The following HTR3A variants were observed in gnomAD, a reference collection of about 807,000 sequenced individuals.
The protein encoded by HTR3A is 5-hydroxytryptamine (serotonin) receptor 3A, ionotropic.
A neutral mutation model predicts 54.8 loss-of-function variants in HTR3A; 45 were observed. The observed-to-expected ratio is 0.82, with a 90% CI of 0.65 to 1.05. The LOEUF (loss-of-function observed/expected upper bound fraction) is 1.05, where lower values mean the gene tolerates loss of function less well. Among genes scored for constraint, HTR3A ranks in the 50% least tolerant of loss-of-function variants. The pLI, the probability that HTR3A is intolerant of heterozygous loss-of-function variation, is 0.00. For missense variants in HTR3A, 657 were observed against 614.0 expected (o/e 1.07, Z -0.74); for synonymous variants, 297 against 256.0 (o/e 1.16, Z -1.53).
intron 8 of HTR3A, among the ~76,000 whole-genome samples, chr11:113,988,942 G>A (rs1027527801): frequency 5.3e-5 from 8 of 152,200 alleles, no homozygotes; most frequent in African/African-American, 1.7e-4. Context: ...TAATGATCTG[G>A]AAGAGGGGTG....
Position 113,981,235 on chromosome 11 carries a change from TGAG to T in HTR3A, c.300_302del (p.Glu100del). On this transcript the variant is annotated inframe_deletion, in exon 4 of 9. Transcript: ENST00000504030. The stretch of plus-strand genomic sequence containing the variant: ...CTGATGAGTTTCTCCAGTGGAACCC[TGAG>T]GACTTTGACAACATCACCAAGTTGT... The T allele has an allele frequency of 6.2e-7, 1 of 1,613,794 alleles. No individual in the cohort carries two copies. Among genetic ancestry groups the T allele is most frequent in the Middle Eastern group, 1.7e-4 (1 of 6,054 alleles).
Position 113,979,228 on chromosome 11 carries a change from C to A in HTR3A, c.220-5C>A. ...TACTTGTTCAAGCTCCCTTTCCTTT[C>A]CCAGGATGAGAAGAATCAGGTGCTG... On this transcript the variant is annotated splice_region_variant and splice_polypyrimidine_tract_variant and intron_variant, in intron 2 of 8. Coordinates refer to ENST00000504030, the MANE Select transcript of HTR3A (RefSeq NM_000869.6). The A allele has an allele frequency of 6.2e-7, 1 of 1,612,966 alleles. No individual in the cohort carries two copies. Among genetic ancestry groups the A allele is most frequent in the Non-Finnish European group, 8.5e-7 (1 of 1,179,324 alleles).
chr11:113,984,067 G>A (rs775823223), intron 5 of HTR3A, among the ~76,000 whole-genome samples: 30 of 151,958 alleles, frequency 2.0e-4, no homozygotes, highest in Non-Finnish European at 3.5e-4. Flanking sequence ...ATCACATGTT[G>A]TTTCCTCTCC....
At chr11:113,981,826 C>T (rs1305743568) in intron 4 of HTR3A, among the ~76,000 whole-genome samples, 5 of 151,894 alleles carry the variant, frequency 3.3e-5, no homozygotes, top group East Asian at 1.9e-4. Context: ...GGCGTGGTGG[C>T]GAGCACCTGT....
In HTR3A at chr11:113,986,821, A is replaced by T. The variant is rs778108749; in HGVS notation, c.917-4A>T. The T allele has an allele frequency of 9.9e-6, 16 of 1,613,816 alleles. No individual in the cohort carries two copies. In the South Asian group the frequency reaches 1.6e-4, roughly 17 times the overall value. On this transcript the variant is annotated splice_region_variant and splice_polypyrimidine_tract_variant and intron_variant, in intron 7 of 8. Transcript: ENST00000504030. ...GTCTCTTGCCTCTGCCCTGGGCTGCACAGGTGTCTACTTTGTGGTGTGCAT... is the reference window on the plus strand; with the variant it reads ...GTCTCTTGCCTCTGCCCTGGGCTGCTCAGGTGTCTACTTTGTGGTGTGCAT...
chr11:113,989,903 C>A lies in HTR3A; in HGVS notation c.*140C>A. ...AAAGTCCCGTGCCCTGTTTCCAATG[C>A]CAATTCATCTCAGCAATCACAAGCC... On this transcript the variant is annotated 3_prime_UTR_variant, in exon 9 of 9. Transcript: ENST00000504030. This position sits in a 1 kb window ranked among gnomAD's most constrained non-coding sequence, Gnocchi z 4.4. The A allele has an allele frequency of 2.1e-6, 2 of 963,670 alleles. No homozygotes were observed. Among genetic ancestry groups the A allele is most frequent in the Non-Finnish European group, 3.2e-6 (2 of 617,690 alleles). 59.7% of individuals were successfully genotyped at this position (963,670 alleles called of 1,614,324 possible). A position where few individuals can be genotyped will look rare whatever the true frequency, so the allele number is the denominator to read the frequency against.
intron 1 of HTR3A, among the ~76,000 whole-genome samples, chr11:113,975,676 G>A (rs1414291637): frequency 6.6e-6 from 1 of 152,186 alleles, no homozygotes; most frequent in Admixed American, 6.5e-5. Context: ...CAGGCACCAG[G>A]AGGGGGCTCC....
At chr11:113,975,461 G>A in intron 1 of HTR3A, 69 bp downstream of exon 1, 1 of 1,308,900 alleles carries the variant, frequency 7.6e-7, no homozygotes, top group Non-Finnish European at 1.1e-6. Flanking sequence ...GGATGCTTCA[G>A]TCCTCCGAGG....
At chr11:113,983,647 G>A (rs966074015) in intron 5 of HTR3A, among the ~76,000 whole-genome samples, 9 of 152,220 alleles carry the variant, frequency 5.9e-5, no homozygotes, top group South Asian at 2.1e-4. Flanking sequence ...AGTATTCAAT[G>A]AGGGTGTGAA....
rs769864980 is a variant in HTR3A at position 113,986,934 on chromosome 11, G to T, written c.1026G>T (p.Trp342Cys). The stretch of plus-strand genomic sequence containing the variant: ...ACCTGCAGCAGCCCGTGCCTGCTTG[G>T]CTGCGTCACCTGGTTCTGGAGAGAA... Reference protein sequence around the residue: ...KQDLQQPVPAWLRHLVLERIA... With the variant: ...KQDLQQPVPACLRHLVLERIA... Residue 342 changes from tryptophan (W) to cysteine (C), a missense_variant, in exon 8 of 9, where the codon TGG becomes TGT. Coordinates refer to ENST00000504030, the MANE Select transcript of HTR3A (RefSeq NM_000869.6). The T allele has an allele frequency of 3.7e-6, 6 of 1,614,070 alleles. No homozygotes were observed. The Admixed American group carries it at 1.0e-4, about 27-fold the overall frequency.
At chr11:113,987,100 T>C in intron 8 of HTR3A, 54 bp downstream of exon 8, 1 of 1,579,600 alleles carries the variant, frequency 6.3e-7, no homozygotes, top group South Asian at 1.1e-5. Flanking sequence ...GGCTTGGATG[T>C]TGTGGAAAGT....
rs1950339111 is a variant in HTR3A at position 113,975,320 on chromosome 11, C to T, written c.-6C>T. 2.5e-6 allele frequency: 4 copies of T among 1,613,404 alleles called. No individual in the cohort carries two copies. Among genetic ancestry groups the T allele is most frequent in the Non-Finnish European group, 3.4e-6 (4 of 1,179,998 alleles). Reference sequence around the variant, plus strand: ...CGGAGGCACTCCTATGCTTGGAAAGCTCGCTATGCTGCTGTGGGTCCAGCA... The same window carrying T: ...CGGAGGCACTCCTATGCTTGGAAAGTTCGCTATGCTGCTGTGGGTCCAGCA... On this transcript the variant is annotated 5_prime_UTR_variant, in exon 1 of 9. Transcript: ENST00000504030.
chr11:113,980,180 G>C (rs1454876173), intron 3 of HTR3A, among the ~76,000 whole-genome samples: 3 of 152,204 alleles, frequency 2.0e-5, no homozygotes, highest in Non-Finnish European at 4.4e-5. Context: ...CAGGACATCC[G>C]TCTGAGCTCT....
rs777813346 is a variant in HTR3A at position 113,983,301 on chromosome 11, G to C, written c.544+12G>C. ...TTGGCTGCACACCAGTGAGTATGTG[G>C]GCTTCGCCGGGACAGGGGTGGAGGT... is the stretch of plus-strand genomic sequence containing the variant. On this transcript the variant is annotated intron_variant, in intron 5 of 8. Transcript: ENST00000504030. The C allele has an allele frequency of 2.2e-5, 36 of 1,613,320 alleles. No homozygotes were observed. In the South Asian group the frequency reaches 3.8e-4, roughly 17 times the overall value.
chr11:113,978,047 AC>A, intron 2 of HTR3A, 125 bp downstream of exon 2: 1 of 1,122,332 alleles, frequency 8.9e-7, no homozygotes, highest in Non-Finnish European at 1.3e-6. Flanking sequence ...ACGGTCTGGC[AC>A]CACAGCTCAG....
intron 5 of HTR3A, among the ~76,000 whole-genome samples, chr11:113,984,443 C>T (rs564055341): frequency 1.3e-5 from 2 of 152,108 alleles, no homozygotes; most frequent in East Asian, 1.9e-4. Flanking sequence ...TAATGAGACC[C>T]TATAAAAATA....
chr11:113,977,423 G>A, intron 1 of HTR3A: 1 of 807,142 alleles, frequency 1.2e-6, no homozygotes, highest in South Asian at 1.7e-5. Context: ...CTTCCTTGTT[G>A]CTCCCCAGAG....
chr11:113,987,023 C>A lies in HTR3A; in HGVS notation c.1115C>A (p.Ala372Asp). The A allele has an allele frequency of 6.2e-7, 1 of 1,613,810 alleles. No homozygotes were observed. Among genetic ancestry groups the A allele is most frequent in the Non-Finnish European group, 8.5e-7 (1 of 1,179,998 alleles). Residue 372 changes from alanine to aspartate, a missense_variant, in exon 8 of 9, where the codon GCC becomes GAC. Transcript: ENST00000504030. ...TSQRPPATSQATKTDDCSAMG... is the reference protein window; with the variant it reads ...TSQRPPATSQDTKTDDCSAMG... ...CAGAGGCCCCCAGCCACCTCCCAAG[C>A]CACCAAGACTGATGACTGCTCAGGT...
At chr11:113,987,331 C>T (rs1053910061) in intron 8 of HTR3A, among the ~76,000 whole-genome samples, 4 of 152,190 alleles carry the variant, frequency 2.6e-5, no homozygotes, top group Non-Finnish European at 4.4e-5. Flanking sequence ...TGGCCTCTCT[C>T]TAGGATGGAC....
Sources: gnomAD v4.1 joint callset for allele counts (sites outside exome capture counted in the v4.1 genomes callset) on GRCh38, gnomAD v4.1.1 for gene constraint, Gnocchi (gnomAD v3.1) non-coding constraint, MANE v1.5 for transcripts, NCBI Gene and HGNC (gene_info 2026-07-23, HGNC 2026-07-21) for gene names.